Variants in PRKN observed in about 807,000 individuals in gnomAD.
The protein encoded by PRKN is parkin RBR E3 ubiquitin protein ligase.
A neutral mutation model predicts 59.5 loss-of-function variants in PRKN; 56 were observed. The observed-to-expected ratio is 0.94, with a 90% CI of 0.76 to 1.18. The LOEUF (loss-of-function observed/expected upper bound fraction) is 1.18, where lower values mean the gene tolerates loss of function less well. PRKN is among the 50% of genes most tolerant of loss of function. The pLI, the probability that PRKN is intolerant of heterozygous loss-of-function variation, is 0.00. For missense variants in PRKN, 657 were observed against 596.4 expected (o/e 1.10, Z -1.06); for synonymous variants, 250 against 222.1 (o/e 1.13, Z -1.12).
At chr6:161,769,613 T>C (rs1789578299) in intron 7 of PRKN, among the ~76,000 whole-genome samples, 1 of 152,222 alleles carries the variant, frequency 6.6e-6, no homozygotes, top group Non-Finnish European at 1.5e-5. Flanking sequence ...CGAAGGTATA[T>C]ATAGCCAAAT....
In PRKN at chr6:162,388,556, T is replaced by G. The variant is rs370579398; in HGVS notation, c.171+54754A>C. ...TAACTCAGGTCAAAAGGTGACTGACTCCCAAGCCAAAGGTCTCTAAGGACA... is the reference window on the plus strand; with the variant it reads ...TAACTCAGGTCAAAAGGTGACTGACGCCCAAGCCAAAGGTCTCTAAGGACA... On this transcript the variant is annotated intron_variant, in intron 2 of 11. Coordinates refer to ENST00000366898, the MANE Select transcript of PRKN (RefSeq NM_004562.3). 5.3e-5 allele frequency among the ~76,000 whole-genome samples: 8 copies of G among 152,276 alleles called. No individual in the cohort carries two copies. The East Asian group carries it at 9.7e-4, about 18-fold the overall frequency.
At chr6:161,528,765 A>G (rs1298211840) in intron 9 of PRKN, among the ~76,000 whole-genome samples, 1 of 152,196 alleles carries the variant, frequency 6.6e-6, no homozygotes, top group Non-Finnish European at 1.5e-5. Flanking sequence ...CTGCCTCAGG[A>G]GATGGTATAA....
At chr6:162,163,435 TA>T (rs1782844736) in intron 4 of PRKN, among the ~76,000 whole-genome samples, 1 of 149,286 alleles carries the variant, frequency 6.7e-6, no homozygotes, top group South Asian at 2.1e-4. Context: ...AAATAACATT[TA>T]AAATTCATAA....
Position 161,409,607 on chromosome 6 carries a change from C to T in PRKN, c.1084-22730G>A, listed in dbSNP as rs983662395. Among the ~76,000 whole-genome samples the T allele has an allele frequency of 6.6e-6, 1 of 152,068 alleles. No homozygotes were observed. Among genetic ancestry groups the T allele is most frequent in the Non-Finnish European group, 1.5e-5 (1 of 68,030 alleles). On this transcript the variant is annotated intron_variant, in intron 9 of 11. Transcript: ENST00000366898. This position sits in a 1 kb window ranked among gnomAD's most constrained non-coding sequence, Gnocchi z 4.6. ...AATGTTCAGTGGAATCACATAAGGC[C>T]GTCACTATAAAAATGAAAGCAAGCC... is the stretch of plus-strand genomic sequence containing the variant.
intron 6 of PRKN, among the ~76,000 whole-genome samples, chr6:161,952,594 G>A (rs953032618): frequency 6.6e-6 from 1 of 152,138 alleles, no homozygotes; most frequent in Admixed American, 6.6e-5. Flanking sequence ...ACTCAAGACT[G>A]GGTGACAGTG....
At chr6:161,719,721 C>T (rs1038013436) in intron 7 of PRKN, among the ~76,000 whole-genome samples, 2 of 151,920 alleles carry the variant, frequency 1.3e-5, no homozygotes, top group Non-Finnish European at 2.9e-5. Flanking sequence ...CCAACTCCTG[C>T]GTTCAAGCCA....
intron 7 of PRKN, among the ~76,000 whole-genome samples, chr6:161,704,244 G>A (rs149822227): frequency 6.6e-6 from 1 of 152,212 alleles, no homozygotes; most frequent in African/African-American, 2.4e-5. Context: ...CATACTTGCT[G>A]AGTGCATGAA....
chr6:162,004,580 C>T (rs1276435813), intron 5 of PRKN, among the ~76,000 whole-genome samples: 1 of 152,154 alleles, frequency 6.6e-6, no homozygotes, highest in Admixed American at 6.6e-5. Flanking sequence ...AATTAGCAAA[C>T]TCCTCAACAC....
At chr6:162,161,301 C>T (rs1040954356) in intron 4 of PRKN, among the ~76,000 whole-genome samples, 1 of 151,988 alleles carries the variant, frequency 6.6e-6, no homozygotes, top group African/African-American at 2.4e-5. Flanking sequence ...TGGTGTCCAG[C>T]CCAGTACCCC....
intron 7 of PRKN, among the ~76,000 whole-genome samples, chr6:161,769,661 T>A (rs535969244): frequency 1.3e-5 from 2 of 152,220 alleles, no homozygotes; most frequent in African/African-American, 4.8e-5. Context: ...GGGTGTGTGC[T>A]ATTTCTGGGC....
chr6:162,727,565 T>C (rs998737437), intron 1 of PRKN, 97 bp downstream of exon 1: 4 of 1,317,436 alleles, frequency 3.0e-6, no homozygotes, highest in Admixed American at 2.0e-5. Context: ...TCATTGACAG[T>C]TGGCACCGGG....
intron 1 of PRKN, among the ~76,000 whole-genome samples, chr6:162,603,378 A>C (rs1781784575): frequency 6.6e-6 from 1 of 152,178 alleles, no homozygotes; most frequent in African/African-American, 2.4e-5. Flanking sequence ...GAGGTTGGCA[A>C]ACTACAGCCT....
At chr6:162,241,955 A>G (rs1249380650) in intron 3 of PRKN, among the ~76,000 whole-genome samples, 1 of 151,766 alleles carries the variant, frequency 6.6e-6, no homozygotes, top group Non-Finnish European at 1.5e-5. Context: ...ACAAGCACCT[A>G]TATAATTTAT....
intron 1 of PRKN, among the ~76,000 whole-genome samples, chr6:162,497,596 T>C (rs1793123663): frequency 6.6e-6 from 1 of 152,208 alleles, no homozygotes; most frequent in Non-Finnish European, 1.5e-5. Context: ...AGCAGCTCAT[T>C]TTGTGCAGCA....
intron 3 of PRKN, among the ~76,000 whole-genome samples, chr6:162,210,038 A>G (rs1454703271): frequency 1.3e-5 from 2 of 152,022 alleles, no homozygotes; most frequent in African/African-American, 4.8e-5. Flanking sequence ...GCAAACCAAC[A>G]TGGCATATGT....
rs145637838 is a variant in PRKN, at chr6:161,377,007, C to T, written c.1167+9787G>A. 1.8e-3 allele frequency among the ~76,000 whole-genome samples: 277 copies of T among 152,290 alleles called. 5 individuals are homozygous for T. In the East Asian group the frequency reaches 0.041, roughly 22 times the overall value. On this transcript the variant is annotated intron_variant, in intron 10 of 11. Transcript: ENST00000366898. This position sits in a 1 kb window ranked among gnomAD's most constrained non-coding sequence, Gnocchi z 4.2. ...GTGCTGGAAGCTCTGAGTGGGGCCC[C>T]GAGGAGCAAAGGGCAGGGTCAGGCG...
At chr6:161,636,223 G>T (rs560997073) in intron 7 of PRKN, among the ~76,000 whole-genome samples, 1 of 152,232 alleles carries the variant, frequency 6.6e-6, no homozygotes, top group Admixed American at 6.5e-5. Flanking sequence ...TAGGGGAGCC[G>T]CATGTCCACT....
At chr6:161,888,620 G>A (rs1333979091) in intron 6 of PRKN, among the ~76,000 whole-genome samples, 1 of 152,154 alleles carries the variant, frequency 6.6e-6, no homozygotes, top group Admixed American at 6.5e-5. Context: ...TTCACACATT[G>A]TGACAGTTGA....
intron 7 of PRKN, among the ~76,000 whole-genome samples, chr6:161,586,556 A>G (rs943560697): frequency 1.3e-5 from 2 of 152,208 alleles, no homozygotes; most frequent in African/African-American, 4.8e-5. Context: ...AAAACTCAAG[A>G]CTAAAATCTG....
Sources: gnomAD v4.1 joint callset for allele counts (sites outside exome capture counted in the v4.1 genomes callset) on GRCh38, gnomAD v4.1.1 for gene constraint, Gnocchi (gnomAD v3.1) non-coding constraint, MANE v1.5 for transcripts, NCBI Gene and HGNC (gene_info 2026-07-23, HGNC 2026-07-21) for gene names.